Variants in NTM observed in about 807,000 individuals in gnomAD.
NTM encodes IgLON family member 2.
NTM carries 13 observed loss-of-function variants against 42.1 expected under a neutral mutation model. That is an observed-to-expected ratio of 0.31 (90% CI 0.20 to 0.49). The LOEUF (loss-of-function observed/expected upper bound fraction) is 0.49. Ranked by LOEUF, NTM falls within the 20% of genes least tolerant of loss-of-function variation. NTM has a pLI of 0.99. For missense variants in NTM, 373 were observed against 452.8 expected, an observed-to-expected ratio of 0.82 and a Z score of 1.60; for synonymous variants, 187 against 179.2, an observed-to-expected ratio of 1.04 and a Z score of -0.35.
At chr11:131,734,498 G>T (rs2135517506) in intron 1 of NTM, among the ~76,000 whole-genome samples, 1 of 152,272 alleles carries the variant, frequency 6.6e-6, no homozygotes, top group African/African-American at 2.4e-5. Context: ...GTGCTAGGTA[G>T]AGGAACCCAG....
intron 1 of NTM, among the ~76,000 whole-genome samples, chr11:131,452,981 C>T (rs935686937): frequency 3.3e-5 from 5 of 152,204 alleles, no homozygotes; most frequent in Non-Finnish European, 7.3e-5. Flanking sequence ...ATGCACGACT[C>T]TGGTTTCTTT....
chr11:131,795,964 G>A (rs921077451), intron 1 of NTM: 3 of 983,380 alleles, frequency 3.1e-6, no homozygotes, highest in Admixed American at 1.2e-4. Context: ...TATTCCAGAT[G>A]GGAGGAAGGG....
chr11:131,964,091 T>G (rs953965010), intron 2 of NTM, among the ~76,000 whole-genome samples: 1 of 152,186 alleles, frequency 6.6e-6, no homozygotes, highest in Non-Finnish European at 1.5e-5. Flanking sequence ...GAGGAGTTTC[T>G]AAGCCAGACC....
At chr11:131,652,836 C>A (rs559822849) in intron 1 of NTM, among the ~76,000 whole-genome samples, 2 of 152,206 alleles carry the variant, frequency 1.3e-5, no homozygotes, top group Admixed American at 1.3e-4. Context: ...CCAGACCCTC[C>A]GATCAGGAAG....
At chr11:131,656,288 A>T (rs1490693274) in intron 1 of NTM, among the ~76,000 whole-genome samples, 1 of 152,230 alleles carries the variant, frequency 6.6e-6, no homozygotes, top group Non-Finnish European at 1.5e-5. Flanking sequence ...TGGAGAAAAG[A>T]TTTTAAATCC....
chr11:131,848,727 G>T (rs1019284172), intron 1 of NTM, among the ~76,000 whole-genome samples: 3 of 152,210 alleles, frequency 2.0e-5, no homozygotes, highest in South Asian at 2.1e-4. Flanking sequence ...CCAACTCTAG[G>T]CTGCAGATGT....
At chr11:131,374,379 C>A (rs531211211) in intron 1 of NTM, among the ~76,000 whole-genome samples, 1 of 152,342 alleles carries the variant, frequency 6.6e-6, no homozygotes, top group South Asian at 2.1e-4. Context: ...TGCATGAAGA[C>A]CATTCTTGAA....
chr11:131,546,956 T>C (rs891502844), intron 1 of NTM, among the ~76,000 whole-genome samples: 4 of 152,170 alleles, frequency 2.6e-5, no homozygotes, highest in African/African-American at 9.7e-5. Context: ...CCTGAGTTCC[T>C]TCCCTCCCTT....
At chr11:131,551,959 A>T (rs2054720891) in intron 1 of NTM, among the ~76,000 whole-genome samples, 2 of 152,190 alleles carry the variant, frequency 1.3e-5, no homozygotes, top group African/African-American at 4.8e-5. Context: ...ACAGTTGGTA[A>T]GGTCCCTACA....
intron 1 of NTM, among the ~76,000 whole-genome samples, chr11:131,519,178 C>G (rs1039708572): frequency 6.6e-6 from 1 of 150,592 alleles, no homozygotes; most frequent in African/African-American, 2.5e-5. Context: ...AATTGAGAGC[C>G]AGGGGACATA....
chr11:131,936,045 A>G lies in NTM; in HGVS notation c.167+24397A>G, dbSNP rs77481938. On this transcript the variant is annotated intron_variant, in intron 2 of 8. Transcript: ENST00000683400. ...TATGCATAAAAATGGATTCTTAAAT[A>G]TCTCATCAACTCCTAAGAATATCAA... 4.8e-3 allele frequency among the ~76,000 whole-genome samples: 730 copies of G among 152,304 alleles called. 3 individuals are homozygous for G. Among genetic ancestry groups the G allele is most frequent in the African/African-American group, 0.017 (695 of 41,586 alleles).
At chr11:132,151,954 C>G (rs530548174) in intron 3 of NTM, among the ~76,000 whole-genome samples, 24 of 152,208 alleles carry the variant, frequency 1.6e-4, no homozygotes, top group Admixed American at 1.1e-3. Context: ...TTCTGACTCT[C>G]TCTCTTACCC....
chr11:131,813,486 G>C (rs1452553357), intron 1 of NTM, among the ~76,000 whole-genome samples: 1 of 152,130 alleles, frequency 6.6e-6, no homozygotes, highest in Non-Finnish European at 1.5e-5. Flanking sequence ...AGGCTGTAGG[G>C]AGTACAGGAA....
chr11:132,311,068 G>C (rs1169792299), intron 6 of NTM, among the ~76,000 whole-genome samples: 1 of 152,154 alleles, frequency 6.6e-6, no homozygotes, highest in Admixed American at 6.5e-5. Context: ...AGGAGTGGGG[G>C]AGGCCAGGAG....
chr11:131,556,152 A>ACACAAGT (rs1214456731), intron 1 of NTM, among the ~76,000 whole-genome samples: 1 of 152,202 alleles, frequency 6.6e-6, no homozygotes, highest in Non-Finnish European at 1.5e-5. Context: ...GTGAAAATGA[A>ACACAAGT]CACAAGTGAC....
At chr11:131,458,643 C>G (rs1006237113) in intron 1 of NTM, among the ~76,000 whole-genome samples, 1 of 152,206 alleles carries the variant, frequency 6.6e-6, no homozygotes, top group Non-Finnish European at 1.5e-5. Context: ...TGTCTTATCT[C>G]TAGCACCTAG....
chr11:131,422,230 G>C (rs1947613368), intron 1 of NTM, among the ~76,000 whole-genome samples: 2 of 152,162 alleles, frequency 1.3e-5, no homozygotes, highest in Non-Finnish European at 2.9e-5. Context: ...GAATGTTTCA[G>C]AATATTTCAG....
At chr11:132,272,466 G>A (rs1443211914) in intron 4 of NTM, among the ~76,000 whole-genome samples, 1 of 151,944 alleles carries the variant, frequency 6.6e-6, no homozygotes, top group Admixed American at 6.6e-5. Context: ...AATAATTTAG[G>A]GAATATTGCC....
chr11:131,800,801 C>T (rs1591951532), intron 1 of NTM, among the ~76,000 whole-genome samples: 1 of 152,148 alleles, frequency 6.6e-6, no homozygotes, highest in Non-Finnish European at 1.5e-5. Context: ...AAACTCTACC[C>T]TAATCAAATC....
Sources: gnomAD v4.1 joint callset for allele counts (sites outside exome capture counted in the v4.1 genomes callset) on GRCh38, gnomAD v4.1.1 for gene constraint, MANE v1.5 for transcripts, NCBI Gene and HGNC (gene_info 2026-07-23, HGNC 2026-07-21) for gene names.